The following THRB variants were observed in gnomAD, a reference collection of about 807,000 sequenced individuals.
THRB encodes nuclear receptor subfamily 1 group A member 2.
A neutral mutation model predicts 47.8 loss-of-function variants in THRB; 12 were observed. That is an observed-to-expected ratio of 0.25 (90% CI 0.16 to 0.41). THRB has a LOEUF of 0.41. Among genes scored for constraint, THRB ranks in the 10% least tolerant of loss-of-function variants. The probability of loss-of-function intolerance (pLI) is 1.00; values close to 1 mark genes in which losing one functional copy is unlikely to be tolerated. For synonymous variants in THRB, 218 were observed against 212.2 expected, an observed-to-expected ratio of 1.03 and a Z score of -0.24; for missense variants, 348 against 589.2, an observed-to-expected ratio of 0.59 and a Z score of 4.24.
chr3:24,320,011 T>C (rs1455622913), intron 2 of THRB, among the ~76,000 whole-genome samples: 1 of 152,222 alleles, frequency 6.6e-6, no homozygotes, highest in African/African-American at 2.4e-5. Flanking sequence ...ACATCCCAGC[T>C]ACGCTCTCTA....
At chr3:24,200,632 A>T (rs1373179429) in intron 4 of THRB, among the ~76,000 whole-genome samples, 1 of 152,168 alleles carries the variant, frequency 6.6e-6, no homozygotes, top group Non-Finnish European at 1.5e-5. Context: ...ACAATTTCCC[A>T]CTTTGTTTGG....
intron 3 of THRB, among the ~76,000 whole-genome samples, chr3:24,236,222 CA>C (rs926084955): frequency 3.3e-5 from 5 of 152,098 alleles, no homozygotes; most frequent in African/African-American, 1.2e-4. Context: ...AGTCCAATCC[CA>C]GGTATGGAGG....
At chr3:24,419,991 C>T (rs746422263) in intron 1 of THRB, among the ~76,000 whole-genome samples, 9 of 151,758 alleles carry the variant, frequency 5.9e-5, no homozygotes, top group Non-Finnish European at 7.4e-5. Flanking sequence ...GCTGTGTAAC[C>T]GATGCAAGTT....
rs370790134 is a variant in THRB, at chr3:24,230,000, T to C, written c.-42-999A>G. 4.5e-4 allele frequency among the ~76,000 whole-genome samples: 68 copies of C among 152,312 alleles called. 2 individuals are homozygous for C. In the South Asian group the frequency reaches 6.0e-3, roughly 13 times the overall value. On this transcript the variant is annotated intron_variant, in intron 3 of 10. Transcript: ENST00000646209. ...TGTCCCACTTATTTCACAAGGCTGG[T>C]ATTTCTGAGGTTTGAAGATGCTGTG...
chr3:24,482,043 C>T (rs1560299009), intron 1 of THRB, among the ~76,000 whole-genome samples: 1 of 152,064 alleles, frequency 6.6e-6, no homozygotes, highest in Non-Finnish European at 1.5e-5. Flanking sequence ...CAGACAGTAA[C>T]AATTTAAAAC....
At chr3:24,476,679 C>G (rs1023264081) in intron 1 of THRB, among the ~76,000 whole-genome samples, 5 of 152,074 alleles carry the variant, frequency 3.3e-5, no homozygotes, top group African/African-American at 1.2e-4. Flanking sequence ...AATGAATGTC[C>G]TTTGGGCAGC....
intron 3 of THRB, among the ~76,000 whole-genome samples, chr3:24,263,618 CTT>C (rs3034414): frequency 2.1e-4 from 29 of 136,734 alleles, no homozygotes; most frequent in East Asian, 2.1e-4. Context: ...GGTTACAGGC[CTT>C]TTTTTTTTTT....
At chr3:24,254,846 T>C (rs2051086779) in intron 3 of THRB, among the ~76,000 whole-genome samples, 1 of 152,248 alleles carries the variant, frequency 6.6e-6, no homozygotes, top group Admixed American at 6.5e-5. Context: ...CTGTGGTCAG[T>C]TAGTGACATT....
At chr3:24,142,711 G>A (rs1006668089) in intron 8 of THRB, among the ~76,000 whole-genome samples, 7 of 152,216 alleles carry the variant, frequency 4.6e-5, no homozygotes, top group Non-Finnish European at 1.0e-4. Context: ...GGTGGGTGGA[G>A]AGCCTGGACT....
intron 2 of THRB, among the ~76,000 whole-genome samples, chr3:24,322,553 C>T (rs1350338443): frequency 6.6e-6 from 1 of 152,186 alleles, no homozygotes; most frequent in Non-Finnish European, 1.5e-5. Context: ...CTTTCTTTGC[C>T]TGGACAGAAG....
chr3:24,288,908 G>A (rs1446405170), intron 3 of THRB, among the ~76,000 whole-genome samples: 2 of 152,224 alleles, frequency 1.3e-5, no homozygotes, highest in African/African-American at 4.8e-5. Context: ...TATGTAAAAT[G>A]TATTTCTTAC....
intron 2 of THRB, among the ~76,000 whole-genome samples, chr3:24,300,177 A>C (rs2056834211): frequency 6.6e-6 from 1 of 152,186 alleles, no homozygotes; most frequent in Non-Finnish European, 1.5e-5. Context: ...CCAGAGACCC[A>C]GGGTGGCTGG....
At chr3:24,493,663 A>C (rs530042948) in intron 1 of THRB, among the ~76,000 whole-genome samples, 2 of 152,076 alleles carry the variant, frequency 1.3e-5, no homozygotes, top group East Asian at 3.9e-4. Flanking sequence ...GTTCATGCAA[A>C]CTCTTTCCTT....
chr3:24,199,334 C>T (rs1017367996), intron 4 of THRB, among the ~76,000 whole-genome samples: 7 of 152,172 alleles, frequency 4.6e-5, no homozygotes, highest in African/African-American at 1.4e-4. Flanking sequence ...TGTTCAAGTA[C>T]GCTGCCTTTC....
chr3:24,325,801 C>T (rs1485253356), intron 2 of THRB, among the ~76,000 whole-genome samples: 2 of 152,040 alleles, frequency 1.3e-5, no homozygotes, highest in East Asian at 3.9e-4. Context: ...GTTAGTGTGC[C>T]AAATGTTTGA....
intron 3 of THRB, among the ~76,000 whole-genome samples, chr3:24,278,904 G>C (rs1036261078): frequency 1.3e-5 from 2 of 152,098 alleles, no homozygotes; most frequent in African/African-American, 4.8e-5. Context: ...GAGTGCAGTG[G>C]TGCTATGTTA....
At chr3:24,412,694 T>G (rs2068408684) in intron 1 of THRB, among the ~76,000 whole-genome samples, 1 of 151,760 alleles carries the variant, frequency 6.6e-6, no homozygotes, top group African/African-American at 2.4e-5. Context: ...TTGTCCAAAC[T>G]CCAAATTATC....
intron 1 of THRB, among the ~76,000 whole-genome samples, chr3:24,449,202 C>T (rs1022996940): frequency 6.6e-6 from 1 of 152,192 alleles, no homozygotes; most frequent in Non-Finnish European, 1.5e-5. Flanking sequence ...TATTTCAGTA[C>T]AAGCATGGTG....
At chr3:24,347,705 T>C (rs1357953433) in intron 1 of THRB, among the ~76,000 whole-genome samples, 1 of 151,558 alleles carries the variant, frequency 6.6e-6, no homozygotes, top group Non-Finnish European at 1.5e-5. Context: ...ACATGAACAC[T>C]TCATGGCAAT....
Sources: allele counts gnomAD v4.1 joint callset (sites outside exome capture counted in the v4.1 genomes callset), GRCh38; gene constraint gnomAD v4.1.1; transcripts MANE v1.5; gene names NCBI Gene and HGNC (gene_info 2026-07-23, HGNC 2026-07-21).